Variants in FHIT observed in about 807,000 individuals in gnomAD.
FHIT encodes bis(5'-adenosyl)-triphosphatase.
FHIT carries 19 observed loss-of-function variants against 17.9 expected under a neutral mutation model. The observed-to-expected ratio is 1.06, with a 90% CI of 0.74 to 1.56. The LOEUF (loss-of-function observed/expected upper bound fraction) is 1.56, where lower values mean the gene tolerates loss of function less well. Ranked by LOEUF, FHIT falls within the 40% of genes most tolerant of loss-of-function variation. FHIT has a pLI of 0.00. For synonymous variants in FHIT, 81 were observed against 69.7 expected, an observed-to-expected ratio of 1.16 and a Z score of -0.81; for missense variants, 248 against 189.2, an observed-to-expected ratio of 1.31 and a Z score of -1.82.
intron 4 of FHIT, among the ~76,000 whole-genome samples, chr3:60,754,764 C>T (rs1371325184): frequency 6.6e-5 from 10 of 152,072 alleles, no homozygotes; most frequent in Admixed American, 4.6e-4. Context: ...CAACATTTAC[C>T]CTTTCTACAC....
chr3:60,482,171 TA>T (rs2033636452), intron 5 of FHIT, among the ~76,000 whole-genome samples: 2 of 152,174 alleles, frequency 1.3e-5, no homozygotes, highest in South Asian at 4.1e-4. Context: ...CTGAGATTCA[TA>T]AAACAAGTTC....
chr3:60,530,679 A>C (rs2035744770), intron 5 of FHIT, among the ~76,000 whole-genome samples: 1 of 152,188 alleles, frequency 6.6e-6, no homozygotes, highest in African/African-American at 2.4e-5. Context: ...ATGTGAGATA[A>C]AATGAATTTG....
intron 5 of FHIT, among the ~76,000 whole-genome samples, chr3:60,098,592 G>T (rs1308368911): frequency 2.0e-5 from 3 of 152,068 alleles, no homozygotes; most frequent in Non-Finnish European, 1.5e-5. Flanking sequence ...ATTTGTTTGA[G>T]TTCATTGCAG....
chr3:60,596,596 C>T (rs1464224916), intron 4 of FHIT, among the ~76,000 whole-genome samples: 6 of 152,098 alleles, frequency 3.9e-5, no homozygotes, highest in Admixed American at 2.0e-4. Flanking sequence ...CAGCAATTTC[C>T]TACACAGTCT....
At chr3:61,185,721 T>A (rs9820332) in intron 2 of FHIT, among the ~76,000 whole-genome samples, 33,651 of 152,020 alleles carry the variant, frequency 0.22, 4,838 homozygotes, top group East Asian at 0.71. Context: ...TTTCTTAAAA[T>A]ACATGCCCAC....
intron 3 of FHIT, among the ~76,000 whole-genome samples, chr3:60,934,578 A>G (rs976623818): frequency 6.6e-6 from 1 of 152,200 alleles, no homozygotes; most frequent in Non-Finnish European, 1.5e-5. Flanking sequence ...AGCACATCAC[A>G]TGTAACGTAT....
At chr3:60,228,074 C>T (rs771058300) in intron 5 of FHIT, among the ~76,000 whole-genome samples, 1 of 152,090 alleles carries the variant, frequency 6.6e-6, no homozygotes, top group Non-Finnish European at 1.5e-5. Context: ...AACAGATGAC[C>T]CTATCACTCC....
Position 61,106,040 on chromosome 3 carries a change from T to C in FHIT, c.-163-63941A>G, listed in dbSNP as rs2035979067. Among the ~76,000 whole-genome samples the C allele has an allele frequency of 3.3e-5, 5 of 152,176 alleles. No individual in the cohort carries two copies. In the South Asian group the frequency reaches 1.0e-3, roughly 32 times the overall value. On this transcript the variant is annotated intron_variant, in intron 2 of 9. Coordinates refer to ENST00000492590, the MANE Select transcript of FHIT (RefSeq NM_002012.4). Reference sequence around the variant, plus strand: ...GGTCTTAATGTTTTCTTTTCAGCTTTGGAACCCCCTGATTATTAGCATTGT... The same window carrying C: ...GGTCTTAATGTTTTCTTTTCAGCTTCGGAACCCCCTGATTATTAGCATTGT...
intron 4 of FHIT, among the ~76,000 whole-genome samples, chr3:60,543,116 A>G (rs896460972): frequency 1.3e-5 from 2 of 151,968 alleles, no homozygotes. Flanking sequence ...TTTTTTCTGT[A>G]AAGGACCAGA....
At chr3:60,564,672 T>C (rs2037069387) in intron 4 of FHIT, among the ~76,000 whole-genome samples, 1 of 152,138 alleles carries the variant, frequency 6.6e-6, no homozygotes, top group Admixed American at 6.5e-5. Context: ...GAATTAGAAG[T>C]AAAGCCTGAA....
intron 5 of FHIT, among the ~76,000 whole-genome samples, chr3:60,321,997 CTT>C (rs1180975593): frequency 6.6e-6 from 1 of 152,222 alleles, no homozygotes; most frequent in Non-Finnish European, 1.5e-5. Flanking sequence ...CAACATATAA[CTT>C]TTGGAAGAAC....
At chr3:59,848,367 T>C (rs565598525) in intron 8 of FHIT, among the ~76,000 whole-genome samples, 3 of 152,288 alleles carry the variant, frequency 2.0e-5, no homozygotes, top group African/African-American at 7.2e-5. Context: ...TTCTCAAGCT[T>C]CATACTCTAT....
chr3:59,823,678 G>A lies in FHIT; in HGVS notation c.349-71357C>T, dbSNP rs190190612. Among the ~76,000 whole-genome samples the A allele has an allele frequency of 2.6e-4, 39 of 152,108 alleles. No homozygotes were observed. In the East Asian group the frequency reaches 7.2e-3, roughly 28 times the overall value. ...TATGATTAAAACCCTCAGCAAAATC[G>A]GCATATAAGGGGCATACCTCAATGT... On this transcript the variant is annotated intron_variant, in intron 8 of 9. Coordinates refer to ENST00000492590, the MANE Select transcript of FHIT (RefSeq NM_002012.4).
intron 5 of FHIT, among the ~76,000 whole-genome samples, chr3:60,220,185 CT>C (rs1703899820): frequency 6.6e-6 from 1 of 152,028 alleles, no homozygotes; most frequent in Non-Finnish European, 1.5e-5. Flanking sequence ...CTAAATGGGC[CT>C]GAATAATTTA....
chr3:61,015,697 G>A (rs756272076), intron 3 of FHIT, among the ~76,000 whole-genome samples: 2 of 152,084 alleles, frequency 1.3e-5, no homozygotes, highest in Non-Finnish European at 2.9e-5. Context: ...AAGGAATGTG[G>A]TTCAATCTCT....
At chr3:60,705,604 C>A (rs782210185) in intron 4 of FHIT, among the ~76,000 whole-genome samples, 1 of 152,124 alleles carries the variant, frequency 6.6e-6, no homozygotes, top group Non-Finnish European at 1.5e-5. Context: ...ATTACCAGAT[C>A]CCTTTGAGAA....
intron 5 of FHIT, among the ~76,000 whole-genome samples, chr3:60,374,695 T>C (rs1700472562): frequency 6.6e-6 from 1 of 151,772 alleles, no homozygotes; most frequent in Non-Finnish European, 1.5e-5. Context: ...CAAGTAATAA[T>C]TTGATTTTAA....
intron 5 of FHIT, among the ~76,000 whole-genome samples, chr3:60,453,726 A>T (rs184847354): frequency 6.6e-6 from 1 of 152,338 alleles, no homozygotes; most frequent in East Asian, 1.9e-4. Context: ...AAATGAGATG[A>T]CGATGCAAAT....
chr3:59,840,967 A>T (rs375813444), intron 8 of FHIT, among the ~76,000 whole-genome samples: 2 of 152,282 alleles, frequency 1.3e-5, no homozygotes, highest in African/African-American at 4.8e-5. Flanking sequence ...GCTGCTTCAC[A>T]TTTCCACATT....
Sources: gnomAD v4.1 joint callset for allele counts (sites outside exome capture counted in the v4.1 genomes callset) on GRCh38, gnomAD v4.1.1 for gene constraint, MANE v1.5 for transcripts, NCBI Gene and HGNC (gene_info 2026-07-23, HGNC 2026-07-21) for gene names.